Variants in ZNF500 observed in about 807,000 individuals in gnomAD.
ZNF500 encodes the protein zinc finger protein with KRAB and SCAN domains 18.
Under a neutral mutation model 30.1 loss-of-function variants are expected in ZNF500, and 31 were observed. That is an observed-to-expected ratio of 1.03 (90% CI 0.77 to 1.39). ZNF500 has a LOEUF of 1.39. Ranked by LOEUF, ZNF500 falls within the 40% of genes most tolerant of loss-of-function variation. The pLI is 0.00. For missense variants in ZNF500, 817 were observed against 657.8 expected, an observed-to-expected ratio of 1.24 and a Z score of -2.65; for synonymous variants, 392 against 282.0, an observed-to-expected ratio of 1.39 and a Z score of -3.91.
chr16:4,761,394 C>T (rs1206507933), intron 4 of ZNF500, among the ~76,000 whole-genome samples: 3 of 151,092 alleles, frequency 2.0e-5, no homozygotes, highest in South Asian at 2.1e-4. Context: ...GAGCCGAGAT[C>T]GCACCATTGC....
At chr16:4,764,510 G>A (rs866098682) in intron 2 of ZNF500, among the ~76,000 whole-genome samples, 54 of 146,914 alleles carry the variant, frequency 3.7e-4, no homozygotes, top group Admixed American at 7.4e-4. Context: ...GGCTAGGTGC[G>A]GTGGCTCACG....
intron 5 of ZNF500, among the ~76,000 whole-genome samples, chr16:4,756,786 G>A (rs1447118817): frequency 6.6e-6 from 1 of 152,060 alleles, no homozygotes; most frequent in Non-Finnish European, 1.5e-5. Flanking sequence ...AAAGTGCTGG[G>A]ATTACAGACG....
downstream of ZNF500, chr16:4,747,093 C>T (rs1017891510): frequency 2.8e-6 from 4 of 1,427,798 alleles, no homozygotes; most frequent in Non-Finnish European, 3.8e-6. Flanking sequence ...AAGCCCTCCA[C>T]CTGGCACATT....
intron 5 of ZNF500, among the ~76,000 whole-genome samples, chr16:4,758,152 G>A (rs537133632): frequency 2.1e-4 from 32 of 151,830 alleles, no homozygotes; most frequent in African/African-American, 7.2e-4. Flanking sequence ...CACTCGCCTC[G>A]GCTTCCCAAA....
downstream of ZNF500, chr16:4,746,941 C>T (rs139697621): frequency 1.7e-4 from 260 of 1,561,866 alleles, no homozygotes; most frequent in Non-Finnish European, 2.2e-4. Flanking sequence ...AGCCACAGCT[C>T]CTCTGACAGT....
At position 4,752,298 on chromosome 16, in the gene ZNF500, G is replaced by GGAAACA; in HGVS notation, c.*77_*78insTGTTTC. ...GAAACGGGCAGCTGGCAATGCTTTC[G>GGAAACA]GACCAGGCTGTCTAGCAGTTTCCTG... On this transcript the variant is annotated 3_prime_UTR_variant, in exon 6 of 6. Coordinates refer to ENST00000219478, the MANE Select transcript of ZNF500 (RefSeq NM_021646.4). 2 of 1,430,722 alleles carry GGAAACA rather than the reference G, an allele frequency of 1.4e-6. No individual in the cohort carries two copies. Among genetic ancestry groups the GGAAACA allele is most frequent in the Non-Finnish European group, 1.8e-6 (2 of 1,096,876 alleles). The allele number at this position is 1,430,722 out of a possible 1,614,324, so 88.6% of individuals were successfully genotyped here. A position where few individuals can be genotyped will look rare whatever the true frequency, so the allele number is the denominator to read the frequency against.
Position 4,751,418 on chromosome 16 carries a change from A to G in ZNF500, c.*958T>C, listed in dbSNP as rs11076846. The G allele has an allele frequency of 0.63, 423,578 of 672,212 alleles. 135,054 individuals are homozygous for G. The highest frequency in any genetic ancestry group is 0.68 in the East Asian group (23,272 of 34,016). 41.6% of individuals were successfully genotyped at this position (672,212 alleles called of 1,614,324 possible). ...ATGTCAGGCCCGTCACATCCCAGGC[A>G]ACATGTCAGGAAGATGGAACTCAGG... is the stretch of plus-strand genomic sequence containing the variant. On this transcript the variant is annotated 3_prime_UTR_variant, in exon 6 of 6. Transcript: ENST00000219478.
At chr16:4,757,612 T>G (rs1193253781) in intron 5 of ZNF500, among the ~76,000 whole-genome samples, 1 of 152,050 alleles carries the variant, frequency 6.6e-6, no homozygotes, top group African/African-American at 2.4e-5. Flanking sequence ...TTTTTGTTTT[T>G]GTTTTTTGGA....
At position 4,762,281 on chromosome 16, in the gene ZNF500, G is replaced by A. The variant is rs758620269; in HGVS notation, c.653C>T (p.Ala218Val). The A allele has an allele frequency of 1.2e-6, 2 of 1,611,316 alleles. No individual in the cohort carries two copies. Among genetic ancestry groups the A allele is most frequent in the Admixed American group, 1.7e-5 (1 of 59,670 alleles). The change falls in exon 4 of 6, where the codon GCC (alanine) becomes GTC (valine). Residue 218 changes from alanine (A) to valine (V), a missense_variant. Ala to Val is a moderately conservative substitution (Grantham distance 64). Transcript: ENST00000219478. ...GAGCATCCCACTCACCTGGGACCAG[G>A]CCGAAAGGAAGGGCGAGGCTGACGC... ...EMASASPFLSAWSQVPVNLED... is the reference protein window; with the variant it reads ...EMASASPFLSVWSQVPVNLED...
At chr16:4,744,511 C>A (rs1436534726), downstream of ZNF500, among the ~76,000 whole-genome samples, 1 of 151,974 alleles carries the variant, frequency 6.6e-6, no homozygotes, top group Non-Finnish European at 1.5e-5. Flanking sequence ...TGAAAAAAAA[C>A]CTATAGAGGA....
downstream of ZNF500, chr16:4,746,747 A>G: frequency 1.3e-6 from 1 of 750,938 alleles, no homozygotes; most frequent in Non-Finnish European, 2.1e-6. Flanking sequence ...CAACACGTCT[A>G]GGCTGGAGGG....
chr16:4,761,158 C>T (rs990261010), intron 4 of ZNF500, among the ~76,000 whole-genome samples: 9 of 152,014 alleles, frequency 5.9e-5, no homozygotes, highest in African/African-American at 1.5e-4. Context: ...AATGTTCGGC[C>T]GGGCGCGGTG....
chr16:4,760,693 G>T, intron 4 of ZNF500, 105 bp from the exon 5 acceptor site: 2 of 996,484 alleles, frequency 2.0e-6, no homozygotes, highest in Non-Finnish European at 3.0e-6. Flanking sequence ...CTCGAGGCTG[G>T]CGCCAAGCCT....
At chr16:4,762,541 ACTTCT>A in intron 3 of ZNF500, 27 bp downstream of exon 3, 1 of 1,587,168 alleles carries the variant, frequency 6.3e-7, no homozygotes. Context: ...CCCCTGCACC[ACTTCT>A]CATTCCTCCA....
intron 5 of ZNF500, among the ~76,000 whole-genome samples, chr16:4,758,841 T>G (rs1343835319): frequency 6.6e-6 from 1 of 152,058 alleles, no homozygotes. Context: ...AACTGGACAC[T>G]AGAACCAAAA....
intron 5 of ZNF500, 27 bp from the exon 6 acceptor site, chr16:4,753,085 G>C (rs1331699343): frequency 2.7e-6 from 4 of 1,501,700 alleles, no homozygotes; most frequent in Non-Finnish European, 3.5e-6. Flanking sequence ...ACGATCTCTA[G>C]GAACTCACAG....
intron 2 of ZNF500, among the ~76,000 whole-genome samples, chr16:4,764,378 C>T (rs376380533): frequency 1.3e-5 from 2 of 152,044 alleles, no homozygotes; most frequent in African/African-American, 4.8e-5. Context: ...ATACAAAAAT[C>T]AGCCTGGCGT....
intron 2 of ZNF500, among the ~76,000 whole-genome samples, chr16:4,764,457 C>CAGAG (rs1395629120): frequency 1.3e-5 from 2 of 151,820 alleles, no homozygotes; most frequent in Non-Finnish European, 2.9e-5. Flanking sequence ...GCCTGGGCGA[C>CAGAG]AGAGAGAGAC....
chr16:4,756,103 G>T (rs73511091), intron 5 of ZNF500, among the ~76,000 whole-genome samples: 2 of 152,176 alleles, frequency 1.3e-5, no homozygotes, highest in Non-Finnish European at 2.9e-5. Context: ...GCATGATAAA[G>T]AATGTTTTTG....
Sources: allele counts gnomAD v4.1 joint callset (sites outside exome capture counted in the v4.1 genomes callset), GRCh38; gene constraint gnomAD v4.1.1; transcripts MANE v1.5; gene names NCBI Gene and HGNC (gene_info 2026-07-23, HGNC 2026-07-21).